Variants in PEBP4 observed in about 807,000 individuals in gnomAD.
The protein encoded by PEBP4 is phosphatidylethanolamine binding protein 4.
A neutral mutation model predicts 23.9 loss-of-function variants in PEBP4; 22 were observed. That is an observed-to-expected ratio of 0.92 (90% confidence interval 0.66 to 1.31). The LOEUF (loss-of-function observed/expected upper bound fraction) is 1.31. Ranked by LOEUF, PEBP4 falls within the 40% of genes most tolerant of loss-of-function variation. The pLI is 0.00. For missense variants in PEBP4, 324 were observed against 281.7 expected (o/e 1.15, Z -1.07); for synonymous variants, 112 against 99.3 (o/e 1.13, Z -0.76).
rs1808427026 is a variant in PEBP4, at chr8:22,888,401, A to C, written c.258+31783T>G. Among the ~76,000 whole-genome samples the C allele has an allele frequency of 2.6e-5, 4 of 152,014 alleles. No homozygotes were observed. In the South Asian group the frequency reaches 8.3e-4, roughly 32 times the overall value. On this transcript the variant is annotated intron_variant, in intron 3 of 6. Coordinates refer to ENST00000256404, the MANE Select transcript of PEBP4 (RefSeq NM_144962.3). ...ACTCCTGACCTCAGGTGATCTGCCC[A>C]CCTCGGCCTCCCAAAGTGTTGGGAT...
At chr8:22,795,210 C>T in intron 4 of PEBP4, among the ~76,000 whole-genome samples, 1 of 115,616 alleles carries the variant, frequency 8.6e-6, no homozygotes, top group East Asian at 2.8e-4. Context: ...GAGTCTCGCT[C>T]TGTCATCCAG....
At chr8:22,864,062 C>T (rs1239347446) in intron 3 of PEBP4, among the ~76,000 whole-genome samples, 3 of 152,204 alleles carry the variant, frequency 2.0e-5, no homozygotes, top group East Asian at 1.9e-4. Context: ...TCTCCAGCCC[C>T]GCCTTGCTCC....
At chr8:22,715,557 A>C (rs1177156093) in intron 6 of PEBP4, among the ~76,000 whole-genome samples, 5 of 152,214 alleles carry the variant, frequency 3.3e-5, no homozygotes, top group Non-Finnish European at 7.3e-5. Flanking sequence ...ATTGAAACCC[A>C]TCACGAGGCT....
At chr8:22,718,245 T>TA (rs1804452819) in intron 6 of PEBP4, among the ~76,000 whole-genome samples, 1 of 152,114 alleles carries the variant, frequency 6.6e-6, no homozygotes. Context: ...TGGTTCTAAT[T>TA]ATCCAGCCAG....
intron 3 of PEBP4, among the ~76,000 whole-genome samples, chr8:22,902,545 C>T (rs1323487051): frequency 1.3e-5 from 2 of 152,034 alleles, no homozygotes; most frequent in Non-Finnish European, 2.9e-5. Context: ...CCTGGTTAGC[C>T]TCTCCCCAGG....
chr8:22,738,641 C>A (rs563785264), intron 4 of PEBP4, among the ~76,000 whole-genome samples: 1 of 152,278 alleles, frequency 6.6e-6, no homozygotes, highest in African/African-American at 2.4e-5. Flanking sequence ...GTCACACACA[C>A]ACACTTGCAC....
chr8:22,769,134 A>G (rs1169458791), intron 4 of PEBP4, among the ~76,000 whole-genome samples: 1 of 152,152 alleles, frequency 6.6e-6, no homozygotes, highest in Non-Finnish European at 1.5e-5. Context: ...ACCATCAGTG[A>G]CATGAGACCC....
chr8:22,857,241 TACACACACACAC>T (rs35324307), intron 3 of PEBP4, among the ~76,000 whole-genome samples: 3 of 148,010 alleles, frequency 2.0e-5, no homozygotes, highest in African/African-American at 5.0e-5. Flanking sequence ...AAATGAAACC[TACACACACACAC>T]ACACACACAC....
chr8:22,854,926 ATG>A (rs113480248), intron 3 of PEBP4, among the ~76,000 whole-genome samples: 2,392 of 133,142 alleles, frequency 0.018, 45 homozygotes, highest in South Asian at 0.06. Flanking sequence ...TGAGATTAGA[ATG>A]TGTGTGTGTG....
intron 5 of PEBP4, among the ~76,000 whole-genome samples, chr8:22,726,267 G>A (rs1434367226): frequency 2.6e-5 from 4 of 152,290 alleles, no homozygotes; most frequent in Non-Finnish European, 4.4e-5. Context: ...GAGTCTCCTC[G>A]TGTGCTTAGG....
chr8:22,879,484 C>T (rs1808198349), intron 3 of PEBP4: 1 of 152,184 alleles, frequency 6.6e-6, no homozygotes, highest in African/African-American at 2.4e-5. Context: ...CTCCAAGAAA[C>T]ATCAAAAGAG....
intron 3 of PEBP4, among the ~76,000 whole-genome samples, chr8:22,903,088 C>T (rs930859502): frequency 6.6e-6 from 1 of 152,158 alleles, no homozygotes; most frequent in Admixed American, 6.5e-5. Context: ...GATTCCATCT[C>T]GCTCTGATAG....
chr8:22,819,337 G>A (rs1282523478), intron 3 of PEBP4, among the ~76,000 whole-genome samples: 1 of 152,170 alleles, frequency 6.6e-6, no homozygotes, highest in East Asian at 1.9e-4. Context: ...CTAAAAGGTA[G>A]GGCCAGATGA....
chr8:22,853,608 G>C (rs1354420826), intron 3 of PEBP4, among the ~76,000 whole-genome samples: 1 of 152,198 alleles, frequency 6.6e-6, no homozygotes, highest in Non-Finnish European at 1.5e-5. Context: ...CCTCAGTCCT[G>C]ACCTTCTTTC....
intron 3 of PEBP4, among the ~76,000 whole-genome samples, chr8:22,877,134 C>G (rs987115455): frequency 1.3e-4 from 20 of 152,198 alleles, no homozygotes; most frequent in Admixed American, 1.2e-3. Context: ...CCTCCTCAAA[C>G]CAGGCTGTGC....
chr8:22,890,533 C>T (rs1192856866), intron 3 of PEBP4, among the ~76,000 whole-genome samples: 1 of 152,220 alleles, frequency 6.6e-6, no homozygotes, highest in African/African-American at 2.4e-5. Context: ...TTTCAAACTC[C>T]CAGCTTCCCC....
At chr8:22,797,725 TC>T (rs1806295488) in intron 4 of PEBP4, among the ~76,000 whole-genome samples, 2 of 152,152 alleles carry the variant, frequency 1.3e-5, no homozygotes. Context: ...CTTGCTGCTA[TC>T]CATCGCAGGG....
rs1419966976 is a variant in PEBP4 at position 22,865,736 on chromosome 8, GGATCTGGTGGGCGGAA to G, written c.259-48017_259-48002del. Among the ~76,000 whole-genome samples, 3 of 152,142 alleles carry G rather than the reference GGATCTGGTGGGCGGAA, an allele frequency of 2.0e-5. No homozygotes were observed. The highest frequency in any genetic ancestry group is 4.4e-5 in the Non-Finnish European group (3 of 67,994). On this transcript the variant is annotated intron_variant, in intron 3 of 6. Coordinates refer to ENST00000256404, the MANE Select transcript of PEBP4 (RefSeq NM_144962.3). The surrounding 1 kb of genome is among the most constrained non-coding windows in gnomAD (Gnocchi z 6.9). ...GAAAGGGGAGAGGAATCTCCCCACC[GGATCTGGTGGGCGGAA>G]GATGGGCCACGCGGGAAGGAGATCG...
At chr8:22,880,160 T>G (rs10106677) in intron 3 of PEBP4, among the ~76,000 whole-genome samples, 11,669 of 152,028 alleles carry the variant, frequency 0.077, 1,139 homozygotes, top group African/African-American at 0.23. Flanking sequence ...AGTGGATGAT[T>G]GGGAGGGGTG....
Sources: gnomAD v4.1 joint callset for allele counts (sites outside exome capture counted in the v4.1 genomes callset) on GRCh38, gnomAD v4.1.1 for gene constraint, Gnocchi (gnomAD v3.1) non-coding constraint, MANE v1.5 for transcripts, NCBI Gene and HGNC (gene_info 2026-07-23, HGNC 2026-07-21) for gene names.